Variants in DLC1 observed in about 807,000 individuals in gnomAD.
The protein encoded by DLC1 is DLC1 Rho GTPase activating protein.
Under a neutral mutation model 140.3 loss-of-function variants are expected in DLC1, and 54 were observed. That is an observed-to-expected ratio of 0.38 (90% CI 0.31 to 0.48). The LOEUF (loss-of-function observed/expected upper bound fraction) is 0.48, where lower values mean the gene tolerates loss of function less well. DLC1 is among the 20% of genes least tolerant of loss of function. The pLI, the probability that DLC1 is intolerant of heterozygous loss-of-function variation, is 0.96. For missense variants in DLC1, 2,536 were observed against 1,907.0 expected (o/e 1.33, Z -6.14); for synonymous variants, 986 against 728.1 (o/e 1.35, Z -5.70).
chr8:13,381,354 C>T (rs1026605190), intron 4 of DLC1, among the ~76,000 whole-genome samples: 1 of 152,120 alleles, frequency 6.6e-6, no homozygotes, highest in Admixed American at 6.5e-5. Context: ...GGTGCAAAGG[C>T]CACGTTAAGG....
intron 1 of DLC1, among the ~76,000 whole-genome samples, chr8:13,532,955 T>A (rs1373895364): frequency 6.6e-6 from 1 of 152,232 alleles, no homozygotes; most frequent in African/African-American, 2.4e-5. Flanking sequence ...GTTTAAATTT[T>A]AATTATTTTT....
chr8:13,098,700 T>C (rs1818719446), intron 9 of DLC1, 125 bp from the exon 10 acceptor site: 1 of 1,034,878 alleles, frequency 9.7e-7, no homozygotes, highest in Non-Finnish European at 1.4e-6. Flanking sequence ...ACTGCAGCCT[T>C]GAACTCCTCA....
chr8:13,487,878 C>T (rs1407775813), intron 2 of DLC1, among the ~76,000 whole-genome samples: 1 of 152,122 alleles, frequency 6.6e-6, no homozygotes, highest in Non-Finnish European at 1.5e-5. Flanking sequence ...GCCTGAAAAT[C>T]TCTTGTTTTA....
At chr8:13,094,672 A>C in intron 12 of DLC1, 87 bp downstream of exon 12, 1 of 1,532,692 alleles carries the variant, frequency 6.5e-7, no homozygotes, top group Non-Finnish European at 9.0e-7. Flanking sequence ...TCTCAAAAAA[A>C]AAAAGAATGC....
At chr8:13,123,728 G>A (rs1165625355) in intron 5 of DLC1, among the ~76,000 whole-genome samples, 2 of 151,790 alleles carry the variant, frequency 1.3e-5, no homozygotes, top group African/African-American at 2.4e-5. Flanking sequence ...TTTCCTCTTT[G>A]TAAGCTCCAA....
At chr8:13,104,305 A>G (rs1819365392) in intron 7 of DLC1, among the ~76,000 whole-genome samples, 1 of 151,478 alleles carries the variant, frequency 6.6e-6, no homozygotes, top group Non-Finnish European at 1.5e-5. Flanking sequence ...AGCAATATCA[A>G]TTTAAAATTA....
intron 1 of DLC1, among the ~76,000 whole-genome samples, chr8:13,529,805 T>C (rs1336978891): frequency 6.6e-6 from 1 of 152,304 alleles, no homozygotes; most frequent in East Asian, 1.9e-4. Context: ...ATACAAATAT[T>C]TGTTACTCTC....
At chr8:13,136,499 G>T (rs1253214449) in intron 5 of DLC1, among the ~76,000 whole-genome samples, 2 of 152,294 alleles carry the variant, frequency 1.3e-5, no homozygotes, top group Non-Finnish European at 2.9e-5. Flanking sequence ...TCATGTTGCT[G>T]CAAAGGACAT....
At chr8:13,104,138 G>A (rs569727306) in intron 7 of DLC1, among the ~76,000 whole-genome samples, 2 of 152,158 alleles carry the variant, frequency 1.3e-5, no homozygotes, top group African/African-American at 4.8e-5. Context: ...TATAATGTGT[G>A]CTATAGTCAC....
chr8:13,583,455 A>C (rs1805188571), intron 1 of DLC1, among the ~76,000 whole-genome samples: 1 of 152,108 alleles, frequency 6.6e-6, no homozygotes, highest in Non-Finnish European at 1.5e-5. Context: ...CTCAGATTCC[A>C]CTTATAATTC....
chr8:13,143,840 G>GAGAGAGAGAGAGAGAGAGAC (rs1554584099), intron 5 of DLC1, among the ~76,000 whole-genome samples: 1 of 145,492 alleles, frequency 6.9e-6, no homozygotes, highest in Non-Finnish European at 1.5e-5. Context: ...GAGAGAGAGA[G>GAGAGAGAGAGAGAGAGAGAC]AGAGAGAGAG....
rs1001282529 is a variant in DLC1, at chr8:13,197,646, G to A, written c.1349-81989C>T. On this transcript the variant is annotated intron_variant, in intron 5 of 17. Transcript: ENST00000276297. ...CAGGTGTGAGCCAGCGTGCCAGGCC[G>A]ATTTATTTTTTTTTAAAAGAGTAAA... Among the ~76,000 whole-genome samples, 3 of 151,866 alleles carry A rather than the reference G, an allele frequency of 2.0e-5. No individual in the cohort carries two copies. In the East Asian group the frequency reaches 5.8e-4, roughly 29 times the overall value.
intron 5 of DLC1, chr8:13,133,359 G>C (rs1307226044): frequency 1.3e-5 from 14 of 1,084,082 alleles, no homozygotes; most frequent in Non-Finnish European, 1.6e-5. Flanking sequence ...GCCAGAGCGG[G>C]CGGCACCGCC....
At chr8:13,114,226 G>A (rs894073266) in intron 6 of DLC1, among the ~76,000 whole-genome samples, 1 of 152,186 alleles carries the variant, frequency 6.6e-6, no homozygotes, top group Admixed American at 6.5e-5. Flanking sequence ...GCCGGGCATG[G>A]TGGCACATGC....
intron 5 of DLC1, among the ~76,000 whole-genome samples, chr8:13,200,897 C>T (rs1203065036): frequency 1.3e-5 from 2 of 152,096 alleles, no homozygotes; most frequent in Non-Finnish European, 2.9e-5. Context: ...TGCACCCAGC[C>T]CTTCAGTTTT....
At chr8:13,098,104 G>T (rs549685701) in intron 10 of DLC1, among the ~76,000 whole-genome samples, 109 of 150,060 alleles carry the variant, frequency 7.3e-4, no homozygotes, top group African/African-American at 2.5e-3. Context: ...ACCTACTCAG[G>T]AGTCCAGCCA....
At chr8:13,160,817 G>A (rs1221422669) in intron 5 of DLC1, among the ~76,000 whole-genome samples, 1 of 152,232 alleles carries the variant, frequency 6.6e-6, no homozygotes, top group East Asian at 1.9e-4. Context: ...CGGGCGTGGT[G>A]GCTCACGCCT....
At chr8:13,332,270 T>C (rs1167050006) in intron 4 of DLC1, among the ~76,000 whole-genome samples, 2 of 152,182 alleles carry the variant, frequency 1.3e-5, no homozygotes, top group Admixed American at 6.5e-5. Context: ...TTTATAAAGA[T>C]TGGTTCCTGC....
chr8:13,363,754 G>C (rs190558922), intron 4 of DLC1, among the ~76,000 whole-genome samples: 1 of 152,090 alleles, frequency 6.6e-6, no homozygotes, highest in African/African-American at 2.4e-5. Flanking sequence ...ATCTAAGGTC[G>C]CCAAGCATGC....
Sources: allele counts gnomAD v4.1 joint callset (sites outside exome capture counted in the v4.1 genomes callset), GRCh38; gene constraint gnomAD v4.1.1; transcripts MANE v1.5; gene names NCBI Gene and HGNC (gene_info 2026-07-23, HGNC 2026-07-21).